Variants in PTPRS observed in about 807,000 individuals in gnomAD.
PTPRS encodes the protein protein tyrosine phosphatase receptor type S.
PTPRS carries 63 observed loss-of-function variants against 215.3 expected under a neutral mutation model. The ratio of observed to expected loss-of-function variants is 0.29; its 90% CI spans 0.24 to 0.36. The LOEUF (loss-of-function observed/expected upper bound fraction) is 0.36, where lower values mean the gene tolerates loss of function less well. PTPRS is among the 10% of genes least tolerant of loss of function. The pLI is 1.00. For synonymous variants in PTPRS, 1,404 were observed against 1,191.4 expected, an observed-to-expected ratio of 1.18 and a Z score of -3.68; for missense variants, 2,258 against 2,825.8, an observed-to-expected ratio of 0.80 and a Z score of 4.56.
chr19:5,307,406 T>C (rs1463355189), intron 1 of PTPRS, among the ~76,000 whole-genome samples: 1 of 145,908 alleles, frequency 6.9e-6, no homozygotes, highest in African/African-American at 2.4e-5. Flanking sequence ...CTTAGTGTTA[T>C]GAGATCAGTA....
chr19:5,301,611 T>C (rs2049306966), intron 1 of PTPRS, among the ~76,000 whole-genome samples: 1 of 151,928 alleles, frequency 6.6e-6, no homozygotes, highest in Admixed American at 6.6e-5. Flanking sequence ...CCTCCACACC[T>C]GGCTGTAAAT....
intron 23 of PTPRS, 35 bp downstream of exon 23, chr19:5,219,275 C>T (rs751803912): frequency 5.0e-6 from 8 of 1,611,726 alleles, no homozygotes; most frequent in Admixed American, 1.7e-5. Context: ...GCCCTCCCTG[C>T]TGTCAAGTCA....
chr19:5,310,202 T>C (rs1200634806), intron 1 of PTPRS, among the ~76,000 whole-genome samples: 6 of 152,218 alleles, frequency 3.9e-5, no homozygotes, highest in Non-Finnish European at 5.9e-5. Flanking sequence ...CAAACATCAT[T>C]CTCTTATTCC....
intron 19 of PTPRS, among the ~76,000 whole-genome samples, chr19:5,221,777 G>A (rs866374317): frequency 4.0e-5 from 6 of 151,790 alleles, no homozygotes; most frequent in Non-Finnish European, 5.9e-5. Context: ...TTATGCCTCA[G>A]TCCCAGCTAA....
chr19:5,222,521 C>T (rs1023739797), intron 18 of PTPRS, among the ~76,000 whole-genome samples, 168 bp downstream of exon 18: 6 of 151,594 alleles, frequency 4.0e-5, no homozygotes, highest in Non-Finnish European at 7.4e-5. Context: ...CACCGAGGCA[C>T]GTCCCACCTT....
rs560555503 is a variant in PTPRS, at chr19:5,280,959, T to G, written c.91+5091A>C. Among the ~76,000 whole-genome samples, 61 of 151,630 alleles carry G rather than the reference T, an allele frequency of 4.0e-4. 1 individual carries two copies. In the South Asian group the frequency reaches 0.011, roughly 27 times the overall value. On this transcript the variant is annotated intron_variant, in intron 2 of 37. Transcript: ENST00000262963. The stretch of plus-strand genomic sequence containing the variant: ...GGAACCCACCACAACACCCAGCTGA[T>G]TTTAGTATTTTTAGTAGAGAGGGGG...
chr19:5,331,598 T>TTGC (rs1428319135), intron 1 of PTPRS, among the ~76,000 whole-genome samples: 1 of 152,092 alleles, frequency 6.6e-6, no homozygotes, highest in Non-Finnish European at 1.5e-5. Context: ...TCCCCAGACG[T>TTGC]TGCCAAGTGT....
rs2049038331 is a variant in PTPRS, at chr19:5,293,915, CG to C, written c.-94-7682del. ...GGCCGCCGTGCCAGGCCCGCGACAC[CG>C]GAGCAGAGGGAGAGGAGGAGGGAGA... On this transcript the variant is annotated intron_variant, in intron 1 of 37. Coordinates refer to ENST00000262963, the MANE Select transcript of PTPRS (RefSeq NM_002850.4). The surrounding 1 kb of genome is among the most constrained non-coding windows in gnomAD (Gnocchi z 8.4). 1.3e-5 allele frequency among the ~76,000 whole-genome samples: 2 copies of C among 152,280 alleles called. No homozygotes were observed. The highest frequency in any genetic ancestry group is 4.1e-4 in the South Asian group (2 of 4,826).
intron 6 of PTPRS, among the ~76,000 whole-genome samples, chr19:5,262,235 A>G (rs1281579367): frequency 6.6e-6 from 1 of 152,204 alleles, no homozygotes; most frequent in Non-Finnish European, 1.5e-5. Flanking sequence ...AGATGGTGCC[A>G]CTGCACTCCA....
At chr19:5,232,462 T>C (rs1346975740) in intron 13 of PTPRS, among the ~76,000 whole-genome samples, 1 of 151,846 alleles carries the variant, frequency 6.6e-6, no homozygotes, top group East Asian at 1.9e-4. Context: ...ACCTACTATG[T>C]ACCAGGCACC....
At chr19:5,283,033 C>T (rs939956793) in intron 2 of PTPRS, among the ~76,000 whole-genome samples, 5 of 152,214 alleles carry the variant, frequency 3.3e-5, no homozygotes, top group African/African-American at 1.2e-4. Context: ...GGGAACCCAG[C>T]CCTCTCTGGA....
At chr19:5,235,591 G>C (rs774977402) in intron 13 of PTPRS, among the ~76,000 whole-genome samples, 1 of 152,194 alleles carries the variant, frequency 6.6e-6, no homozygotes, top group Non-Finnish European at 1.5e-5. Flanking sequence ...ATTGTGCCAA[G>C]AGGTTTGCAG....
At chr19:5,224,600 C>G (rs1316852470) in intron 17 of PTPRS, among the ~76,000 whole-genome samples, 1 of 152,218 alleles carries the variant, frequency 6.6e-6, no homozygotes, top group Admixed American at 6.5e-5. Flanking sequence ...TACTGCAGGA[C>G]TTATCAGGGC....
At position 5,210,749 on chromosome 19, in the gene PTPRS, A is replaced by T; in HGVS notation, c.5291T>A (p.Phe1764Tyr). ...ATTGTTCTCCCACAGCATGCGCCAG[A>T]AGTCTTCCGTGGTCTCCGCCAGCGG... ...QGPLAETTED[F>Y]WRMLWENNST... The change falls in exon 34 of 38, where the codon TTC becomes TAC. Residue 1764 changes from phenylalanine to tyrosine, a missense_variant. Around this residue, in one of 6 missense-constraint regions of PTPRS, gnomAD observed 927 missense variants for 1,125.9 expected, o/e 0.82. Coordinates refer to ENST00000262963, the MANE Select transcript of PTPRS (RefSeq NM_002850.4). This position sits in a 1 kb window ranked among gnomAD's most constrained non-coding sequence, Gnocchi z 4.5. 1 of 1,614,136 alleles carries T rather than the reference A, an allele frequency of 6.2e-7. No individual in the cohort carries two copies. Among genetic ancestry groups the T allele is most frequent in the Non-Finnish European group, 8.5e-7 (1 of 1,180,034 alleles).
At chr19:5,254,726 G>A (rs139010325) in intron 9 of PTPRS, among the ~76,000 whole-genome samples, 165 of 152,328 alleles carry the variant, frequency 1.1e-3, no homozygotes, top group African/African-American at 3.9e-3. Flanking sequence ...CGGGCTCAGA[G>A]TCTGAGAGGG....
intron 2 of PTPRS, among the ~76,000 whole-genome samples, chr19:5,275,158 CCT>C (rs1243269944): frequency 6.6e-6 from 1 of 150,910 alleles, no homozygotes; most frequent in Non-Finnish European, 1.5e-5. Flanking sequence ...GCAACTTCTG[CCT>C]CTCAGGTTCA....
At chr19:5,326,657 G>C (rs1487115304) in intron 1 of PTPRS, among the ~76,000 whole-genome samples, 5 of 151,514 alleles carry the variant, frequency 3.3e-5, no homozygotes, top group Admixed American at 1.3e-4. Flanking sequence ...CTGCACTCCA[G>C]CCTGGGTGAC....
rs200218686 is a variant in PTPRS at position 5,211,935 on chromosome 19, C to T, written c.5055+30G>A. ...GGCTCTTTGGGCCTCCTCCCCACCCCGCCCACAGCAGCCTCCACCCCGCTG... is the reference window on the plus strand; with the variant it reads ...GGCTCTTTGGGCCTCCTCCCCACCCTGCCCACAGCAGCCTCCACCCCGCTG... On this transcript the variant is annotated intron_variant, in intron 32 of 37. Transcript: ENST00000262963. 4.1e-3 allele frequency: 6,409 copies of T among 1,556,506 alleles called. 17 individuals are homozygous for T. Among genetic ancestry groups the T allele is most frequent in the Non-Finnish European group, 4.2e-3 (4,839 of 1,152,536 alleles).
At chr19:5,208,454 TCCTC>T (rs2040566405) in intron 35 of PTPRS, 63 bp from the exon 36 acceptor site, 1 of 1,376,488 alleles carries the variant, frequency 7.3e-7, no homozygotes. Context: ...TTTTTCTCCA[TCCTC>T]CCTATCTTCA....
Sources: gnomAD v4.1 joint callset for allele counts (sites outside exome capture counted in the v4.1 genomes callset) on GRCh38, gnomAD v4.1.1 for gene constraint, gnomAD v4.1.1 regional missense constraint, Gnocchi (gnomAD v3.1) non-coding constraint, MANE v1.5 for transcripts, NCBI Gene and HGNC (gene_info 2026-07-23, HGNC 2026-07-21) for gene names.